The following ACAD10 variants were observed in gnomAD, a reference collection of about 807,000 sequenced individuals.
The protein encoded by ACAD10 is acyl-CoA dehydrogenase family member 10.
Under a neutral mutation model 116.8 loss-of-function variants are expected in ACAD10, and 112 were observed. That is an observed-to-expected ratio of 0.96 (90% CI 0.82 to 1.12). The LOEUF (loss-of-function observed/expected upper bound fraction) is 1.12. Among genes scored for constraint, ACAD10 ranks in the 50% most tolerant of loss-of-function variants. ACAD10 has a pLI of 0.00. For missense variants in ACAD10, 1,259 were observed against 1,350.2 expected (o/e 0.93, Z 1.06); for synonymous variants, 486 against 510.6 (o/e 0.95, Z 0.65).
chr12:111,712,735 AT>A, intron 6 of ACAD10, 78 bp downstream of exon 6: 1 of 1,469,516 alleles, frequency 6.8e-7, no homozygotes. Context: ...TTCAACCCTA[AT>A]GGAATGGGCT....
At chr12:111,689,720 CTT>C (rs369874266) in intron 1 of ACAD10, among the ~76,000 whole-genome samples, 2,291 of 141,464 alleles carry the variant, frequency 0.016, 66 homozygotes, top group African/African-American at 0.055. Flanking sequence ...ATATTTTCTT[CTT>C]TTTTTTTTTT....
At chr12:111,747,672 CA>C in intron 16 of ACAD10, 2 of 1,223,068 alleles carry the variant, frequency 1.6e-6, no homozygotes, top group South Asian at 3.9e-5. Context: ...TCCTGCTGTT[CA>C]TTCTGCTTTG....
rs146506479 is a variant in ACAD10, at chr12:111,719,758, C to T, written c.993-1913C>T. ...TTTATTATTTTTTGAGACAGAGTCT[C>T]GCTCTGTTGCCCAGGCTGGAGCGCA... On this transcript the variant is annotated intron_variant, in intron 7 of 20. Coordinates refer to ENST00000313698, the MANE Select transcript of ACAD10 (RefSeq NM_025247.6). Among the ~76,000 whole-genome samples the T allele has an allele frequency of 3.6e-4, 54 of 152,000 alleles. 1 individual carries two copies. The East Asian group carries it at 8.9e-3, about 25-fold the overall frequency.
intron 13 of ACAD10, among the ~76,000 whole-genome samples, chr12:111,745,868 G>T (rs1292831600): frequency 7.0e-6 from 1 of 143,158 alleles, no homozygotes; most frequent in Non-Finnish European, 1.5e-5. Flanking sequence ...TTGAGACAGG[G>T]TCTCGCTTTG....
intron 2 of ACAD10, among the ~76,000 whole-genome samples, chr12:111,701,534 G>A (rs1396063744): frequency 1.3e-5 from 2 of 152,182 alleles, no homozygotes; most frequent in Non-Finnish European, 2.9e-5. Flanking sequence ...GCTTGGTGGT[G>A]CACGCCTATA....
At chr12:111,744,090 A>C (rs1257428578) in intron 12 of ACAD10, among the ~76,000 whole-genome samples, 1 of 152,156 alleles carries the variant, frequency 6.6e-6, no homozygotes, top group Non-Finnish European at 1.5e-5. Flanking sequence ...TTGTAAAAAA[A>C]GTCTTGATGC....
At chr12:111,706,406 T>C (rs1888506021) in intron 4 of ACAD10, among the ~76,000 whole-genome samples, 1 of 152,184 alleles carries the variant, frequency 6.6e-6, no homozygotes, top group Non-Finnish European at 1.5e-5. Flanking sequence ...AACCTATCGT[T>C]TTGACATGCT....
intron 2 of ACAD10, among the ~76,000 whole-genome samples, chr12:111,697,990 G>C (rs1003134681): frequency 1.2e-4 from 18 of 146,714 alleles, no homozygotes; most frequent in Admixed American, 1.2e-3. Flanking sequence ...TTGCAACTGA[G>C]GTTGCGCCCT....
intron 18 of ACAD10, chr12:111,753,446 C>A: frequency 1.9e-6 from 1 of 531,768 alleles, no homozygotes; most frequent in Non-Finnish European, 3.6e-6. Flanking sequence ...TGGCTCAGAT[C>A]TATAACTGCT....
In ACAD10 at chr12:111,749,365, C is replaced by A; in HGVS notation, c.2817+20C>A. The A allele has an allele frequency of 6.3e-7, 1 of 1,595,110 alleles. No individual in the cohort carries two copies. The highest frequency in any genetic ancestry group is 1.1e-5 in the South Asian group (1 of 90,416). ...GCCCGCGTGAGTGCTTTCCCCCGCA[C>A]CCAGCACTGACTCAGAACCACCACC... On this transcript the variant is annotated intron_variant, in intron 18 of 20. Transcript: ENST00000313698.
At chr12:111,734,094 G>T (rs547678543) in intron 11 of ACAD10, 26 bp downstream of exon 11, 40 of 1,613,728 alleles carry the variant, frequency 2.5e-5, no homozygotes, top group Non-Finnish European at 3.3e-5. Context: ...GGAGGATAGT[G>T]GGGGAGCAAG....
chr12:111,689,341 T>G (rs1028067878), intron 1 of ACAD10, among the ~76,000 whole-genome samples: 6 of 152,188 alleles, frequency 3.9e-5, no homozygotes, highest in Admixed American at 3.9e-4. Flanking sequence ...TTTGCATTTT[T>G]TATTGTTGTG....
intron 6 of ACAD10, among the ~76,000 whole-genome samples, chr12:111,713,729 G>A (rs539192033): frequency 6.6e-6 from 1 of 152,248 alleles, no homozygotes; most frequent in African/African-American, 2.4e-5. Flanking sequence ...CTGAAGTCAG[G>A]AGTTCGAGGT....
At chr12:111,705,988 G>A in intron 4 of ACAD10, 56 bp downstream of exon 4, 2 of 1,572,040 alleles carry the variant, frequency 1.3e-6, no homozygotes, top group Non-Finnish European at 1.7e-6. Context: ...TCGCTTCAGG[G>A]TGCAATGTTA....
chr12:111,706,776 A>ATT (rs1272775325), intron 4 of ACAD10, among the ~76,000 whole-genome samples: 2 of 112,144 alleles, frequency 1.8e-5, no homozygotes, highest in East Asian at 8.9e-4. Flanking sequence ...ATATATATAT[A>ATT]TATATATTTT....
chr12:111,708,077 T>C (rs1888564135), intron 4 of ACAD10, among the ~76,000 whole-genome samples: 1 of 152,230 alleles, frequency 6.6e-6, no homozygotes. Context: ...CTTCCTGGGA[T>C]AGAGCCTTGA....
chr12:111,738,047 G>T (rs550607932), intron 12 of ACAD10, among the ~76,000 whole-genome samples: 2 of 151,876 alleles, frequency 1.3e-5, no homozygotes, highest in South Asian at 4.2e-4. Flanking sequence ...AGTAGAGATG[G>T]GGTTTTGCCA....
chr12:111,717,676 C>T (rs1888883397), intron 7 of ACAD10, among the ~76,000 whole-genome samples: 4 of 151,498 alleles, frequency 2.6e-5, no homozygotes, highest in Non-Finnish European at 4.4e-5. Context: ...AGTGATTCTC[C>T]GCCTCAGCCT....
intron 6 of ACAD10, 149 bp from the exon 7 acceptor site, chr12:111,715,672 A>G (rs1327453011): frequency 3.9e-6 from 4 of 1,024,312 alleles, no homozygotes; most frequent in African/African-American, 1.6e-5. Context: ...AGTCACTCCT[A>G]GTAGGCAGAG....
Sources: gnomAD v4.1 joint callset for allele counts (sites outside exome capture counted in the v4.1 genomes callset) on GRCh38, gnomAD v4.1.1 for gene constraint, MANE v1.5 for transcripts, NCBI Gene and HGNC (gene_info 2026-07-23, HGNC 2026-07-21) for gene names.